CASS4: variants seen among roughly 807,000 people sequenced by gnomAD.
CASS4 encodes Cas scaffold protein family member 4.
In CASS4, 22 loss-of-function variants were observed where a neutral mutation model predicts 54.2. That is an observed-to-expected ratio of 0.41 (90% CI 0.29 to 0.58). The LOEUF (loss-of-function observed/expected upper bound fraction) is 0.58. Among genes scored for constraint, CASS4 ranks in the 20% least tolerant of loss-of-function variants. The probability of loss-of-function intolerance (pLI) is 0.36; values close to 1 mark genes in which losing one functional copy is unlikely to be tolerated. For synonymous variants in CASS4, 409 were observed against 391.5 expected (o/e 1.04, Z -0.53); for missense variants, 854 against 986.7 (o/e 0.87, Z 1.80).
At chr20:56,438,814 A>G (rs1980320217) in intron 2 of CASS4, among the ~76,000 whole-genome samples, 1 of 152,224 alleles carries the variant, frequency 6.6e-6, no homozygotes, top group Admixed American at 6.5e-5. Context: ...CTGAGATCGC[A>G]CCATTGCTCC....
intron 5 of CASS4, among the ~76,000 whole-genome samples, chr20:56,455,667 C>A (rs866869289): frequency 6.6e-6 from 1 of 152,172 alleles, no homozygotes; most frequent in Admixed American, 6.5e-5. Context: ...TGGTGGCTCA[C>A]GCCTGTAATC....
At chr20:56,435,778 T>C (rs895938763) in intron 1 of CASS4, among the ~76,000 whole-genome samples, 3 of 152,076 alleles carry the variant, frequency 2.0e-5, no homozygotes, top group Non-Finnish European at 4.4e-5. Context: ...TGAGACAGAG[T>C]CTCCCTCTGT....
intron 3 of CASS4, among the ~76,000 whole-genome samples, chr20:56,447,356 C>A (rs1201086905): frequency 6.6e-6 from 1 of 152,224 alleles, no homozygotes; most frequent in East Asian, 1.9e-4. Context: ...CTTGGGCCTG[C>A]CTGCTGGGCT....
chr20:56,434,233 T>C (rs1980048853), intron 1 of CASS4, among the ~76,000 whole-genome samples: 1 of 152,132 alleles, frequency 6.6e-6, no homozygotes, highest in Non-Finnish European at 1.5e-5. Flanking sequence ...AATTTATCCA[T>C]GGAAATAAAT....
intron 3 of CASS4, among the ~76,000 whole-genome samples, 161 bp from the exon 4 acceptor site, chr20:56,450,438 C>G (rs1367933780): frequency 6.6e-6 from 1 of 152,162 alleles, no homozygotes; most frequent in Non-Finnish European, 1.5e-5. Context: ...AGACCTGTCA[C>G]CCAGATTTCT....
intron 1 of CASS4, among the ~76,000 whole-genome samples, chr20:56,426,323 C>T (rs562272275): frequency 6.6e-6 from 1 of 152,296 alleles, no homozygotes; most frequent in South Asian, 2.1e-4. Context: ...ATATCAAATG[C>T]GGTCATCAGT....
chr20:56,434,586 G>A (rs1230673774), intron 1 of CASS4, among the ~76,000 whole-genome samples: 6 of 150,968 alleles, frequency 4.0e-5, no homozygotes, highest in South Asian at 2.1e-4. Context: ...ACAGGTGCAC[G>A]CCACCACTCC....
chr20:56,418,801 C>A (rs1401184766), intron 1 of CASS4, among the ~76,000 whole-genome samples: 1 of 152,202 alleles, frequency 6.6e-6, no homozygotes, highest in African/African-American at 2.4e-5. Flanking sequence ...ATGTACCTTT[C>A]ATTCCGTCAA....
rs1450444087 is a variant in CASS4 at position 56,459,951 on chromosome 20, G to GA, written c.*1209dup. 2.0e-5 allele frequency: 3 copies of GA among 152,022 alleles called. No individual in the cohort carries two copies. The highest frequency in any genetic ancestry group is 2.9e-5 in the Non-Finnish European group (2 of 68,012). The allele number at this position is 152,022 out of a possible 1,614,324, so 9.4% of individuals were successfully genotyped here. A position where few individuals can be genotyped will look rare whatever the true frequency, so the allele number is the denominator to read the frequency against. On this transcript the variant is annotated 3_prime_UTR_variant, in exon 6 of 6. Transcript: ENST00000679887. Reference sequence around the variant, plus strand: ...ACATACACAGTATAGCAGGTGCCAGGAAAAACGTAAGTAGGGGAAGTGCAA... The same window carrying GA: ...ACATACACAGTATAGCAGGTGCCAGGAAAAAACGTAAGTAGGGGAAGTGCAA...
intron 1 of CASS4, among the ~76,000 whole-genome samples, chr20:56,425,134 C>T (rs1979580712): frequency 1.3e-5 from 2 of 152,310 alleles, no homozygotes; most frequent in African/African-American, 2.4e-5. Flanking sequence ...ACACAGTACT[C>T]AGATCATTCT....
rs767993594 is a variant in CASS4, at chr20:56,452,850, C to T, written c.1674C>T (p.Asp558=). ...VTDSVQNSPD[D]LERFVMVARM... ...ACAGTGTCCAGAACAGCCCAGATGA[C>T]CTTGAGAGGTTTGTCATGGTGGCAC... is the stretch of plus-strand genomic sequence containing the variant. Residue 558 remains aspartate (D), a synonymous_variant, in exon 5 of 6, where the codon GAC becomes GAT. Transcript: ENST00000679887. The T allele has an allele frequency of 6.2e-7, 1 of 1,613,996 alleles. No individual in the cohort carries two copies. Among genetic ancestry groups the T allele is most frequent in the Non-Finnish European group, 8.5e-7 (1 of 1,180,020 alleles).
At chr20:56,421,844 G>T (rs967690191) in intron 1 of CASS4, among the ~76,000 whole-genome samples, 2 of 152,046 alleles carry the variant, frequency 1.3e-5, no homozygotes, top group African/African-American at 4.8e-5. Flanking sequence ...AAAGAAAAAA[G>T]GAAAGAGGGA....
At position 56,458,422 on chromosome 20, in the gene CASS4, A is replaced by T; in HGVS notation, c.2036A>T (p.Tyr679Phe). 6.2e-7 allele frequency: 1 copy of T among 1,614,026 alleles called. No individual in the cohort carries two copies. Among genetic ancestry groups the T allele is most frequent in the South Asian group, 1.1e-5 (1 of 91,078 alleles). The part of the protein sequence containing the change: ...KPRLSEHCRL[Y>F]FGALFKAISA... ...CGCTTATCTGAACACTGCCGGCTCT[A>T]CTTTGGGGCGCTCTTCAAAGCCATC... The change falls in exon 6 of 6, where the codon TAC (tyrosine) becomes TTC (phenylalanine). Residue 679 changes from tyrosine (Y) to phenylalanine (F), a missense_variant. By Grantham distance (22) the Tyr-to-Phe change is conservative. Transcript: ENST00000679887.
Position 56,445,952 on chromosome 20 carries a change from C to T in CASS4, c.512C>T (p.Ser171Phe). The stretch of plus-strand genomic sequence containing the variant: ...CGGGCCTCACTGCCGACTCTGCCTT[C>T]CCAGGTGTATGACGTGCCTACCCAG... Reference protein sequence around the residue: ...PVRASLPTLPSQVYDVPTQHR... With the variant: ...PVRASLPTLPFQVYDVPTQHR... Residue 171 changes from serine (S) to phenylalanine (F), a missense_variant, in exon 3 of 6, where the codon TCC becomes TTC. Ser to Phe is a radical substitution (Grantham distance 155). Transcript: ENST00000679887. The T allele has an allele frequency of 6.2e-7, 1 of 1,614,102 alleles. No homozygotes were observed. Among genetic ancestry groups the T allele is most frequent in the Non-Finnish European group, 8.5e-7 (1 of 1,180,024 alleles).
rs1979646521 is a variant in CASS4 at position 56,426,525 on chromosome 20, T to C, written c.37-10639T>C. On this transcript the variant is annotated intron_variant, in intron 1 of 5. Coordinates refer to ENST00000679887, the MANE Select transcript of CASS4 (RefSeq NM_020356.4). ...TTGAATCTAAAAGATTAAAGAGGATTTTTCCCTCTTCTTCTTCTTCTTTTT... is the reference window on the plus strand; with the variant it reads ...TTGAATCTAAAAGATTAAAGAGGATCTTTCCCTCTTCTTCTTCTTCTTTTT... Among the ~76,000 whole-genome samples, 3 of 151,994 alleles carry C rather than the reference T, an allele frequency of 2.0e-5. No individual in the cohort carries two copies. In the South Asian group the frequency reaches 6.2e-4, roughly 32 times the overall value.
chr20:56,416,196 T>C (rs1332176226), intron 1 of CASS4, among the ~76,000 whole-genome samples: 2 of 152,168 alleles, frequency 1.3e-5, no homozygotes, highest in African/African-American at 2.4e-5. Flanking sequence ...ATTACAGGCA[T>C]GTGCCACCAT....
At chr20:56,435,169 G>A (rs1980095669) in intron 1 of CASS4, among the ~76,000 whole-genome samples, 1 of 152,184 alleles carries the variant, frequency 6.6e-6, no homozygotes, top group East Asian at 1.9e-4. Context: ...AATCCACACA[G>A]ACCTGCTTGT....
At chr20:56,420,581 G>T (rs1427503276) in intron 1 of CASS4, among the ~76,000 whole-genome samples, 2 of 144,276 alleles carry the variant, frequency 1.4e-5, no homozygotes, top group Non-Finnish European at 3.0e-5. Flanking sequence ...TTGTAGAGAT[G>T]AGGGGCTCTC....
In CASS4 at chr20:56,445,895, C is replaced by T. The variant is rs1460782598; in HGVS notation, c.460-5C>T. On this transcript the variant is annotated splice_region_variant and splice_polypyrimidine_tract_variant and intron_variant, in intron 2 of 5. Coordinates refer to ENST00000679887, the MANE Select transcript of CASS4 (RefSeq NM_020356.4). Reference sequence around the variant, plus strand: ...TTTCCTCTTTTCTCCTCCTTTCTCTCCAAGGCCATCCTCACGCTTCCCAGA... The same window carrying T: ...TTTCCTCTTTTCTCCTCCTTTCTCTTCAAGGCCATCCTCACGCTTCCCAGA... 2 of 1,609,490 alleles carry T rather than the reference C, an allele frequency of 1.2e-6. No individual in the cohort carries two copies. The highest frequency in any genetic ancestry group is 2.7e-5 in the African/African-American group (2 of 74,838).
Sources: allele counts gnomAD v4.1 joint callset (sites outside exome capture counted in the v4.1 genomes callset), GRCh38; gene constraint gnomAD v4.1.1; transcripts MANE v1.5; gene names NCBI Gene and HGNC (gene_info 2026-07-23, HGNC 2026-07-21).